Variants in LRP1B observed in about 807,000 individuals in gnomAD.
The protein encoded by LRP1B is low-density lipoprotein receptor-related protein 1B.
A neutral mutation model predicts 556.6 loss-of-function variants in LRP1B; 217 were observed. The ratio of observed to expected loss-of-function variants is 0.39; its 90% CI spans 0.35 to 0.44. The LOEUF (loss-of-function observed/expected upper bound fraction) is 0.44, where lower values mean the gene tolerates loss of function less well. Ranked by LOEUF, LRP1B falls within the 20% of genes least tolerant of loss-of-function variation. The pLI, the probability that LRP1B is intolerant of heterozygous loss-of-function variation, is 1.00. For missense variants in LRP1B, 5,053 were observed against 5,620.8 expected (o/e 0.90, Z 3.23); for synonymous variants, 2,047 against 1,865.8 (o/e 1.10, Z -2.50).
chr2:141,739,090 A>T (rs767603836), intron 2 of LRP1B, among the ~76,000 whole-genome samples: 10 of 152,276 alleles, frequency 6.6e-5, no homozygotes, highest in Admixed American at 2.0e-4. Flanking sequence ...AAAAAGCTAA[A>T]ATATGTTACC....
chr2:141,929,912 CAAAAAAAAAAAAA>C (rs70994467), intron 1 of LRP1B, among the ~76,000 whole-genome samples: 2 of 104,134 alleles, frequency 1.9e-5, no homozygotes, highest in Non-Finnish European at 3.6e-5. Flanking sequence ...CGGATGGAAA[CAAAAAAAAAAAAA>C]AAAAAAAAAA....
At chr2:140,885,280 A>G (rs1016883107) in intron 24 of LRP1B, among the ~76,000 whole-genome samples, 1 of 152,058 alleles carries the variant, frequency 6.6e-6, no homozygotes, top group Non-Finnish European at 1.5e-5. Flanking sequence ...TAACAATTTG[A>G]CAGAGATACC....
chr2:141,865,639 T>G (rs530624891), intron 1 of LRP1B, among the ~76,000 whole-genome samples: 2 of 151,500 alleles, frequency 1.3e-5, no homozygotes, highest in Admixed American at 6.6e-5. Context: ...ACAGAAATTT[T>G]GATCCAAACA....
At chr2:141,914,318 A>C (rs1699977827) in intron 1 of LRP1B, among the ~76,000 whole-genome samples, 1 of 152,358 alleles carries the variant, frequency 6.6e-6, no homozygotes, top group Non-Finnish European at 1.5e-5. Flanking sequence ...CATAAAGAGA[A>C]CTAATTGGAA....
intron 66 of LRP1B, among the ~76,000 whole-genome samples, chr2:140,428,577 C>A (rs1685768083): frequency 6.6e-6 from 1 of 152,148 alleles, no homozygotes; most frequent in Non-Finnish European, 1.5e-5. Context: ...GCTCTGACTC[C>A]TTCCCAGATC....
At chr2:141,610,403 G>A (rs1688068813) in intron 2 of LRP1B, among the ~76,000 whole-genome samples, 1 of 150,746 alleles carries the variant, frequency 6.6e-6, no homozygotes, top group Admixed American at 6.6e-5. Flanking sequence ...TGTAAACAGT[G>A]TTTCCCTCAG....
At chr2:140,532,021 T>A (rs1690717153) in intron 47 of LRP1B, among the ~76,000 whole-genome samples, 1 of 152,106 alleles carries the variant, frequency 6.6e-6, no homozygotes, top group South Asian at 2.1e-4. Context: ...TTTTTCTCCT[T>A]AATGAGCCCC....
At chr2:141,101,065 C>T (rs1467878113) in intron 7 of LRP1B, among the ~76,000 whole-genome samples, 1 of 152,078 alleles carries the variant, frequency 6.6e-6, no homozygotes, top group African/African-American at 2.4e-5. Context: ...TGAGACGAAG[C>T]AATGATGTTA....
intron 6 of LRP1B, among the ~76,000 whole-genome samples, chr2:141,196,398 C>G (rs533676344): frequency 6.6e-6 from 1 of 152,194 alleles, no homozygotes; most frequent in African/African-American, 2.4e-5. Flanking sequence ...ATTCTTTACA[C>G]CCCTCCATAC....
intron 20 of LRP1B, 138 bp downstream of exon 20, chr2:140,950,097 T>G: frequency 1.9e-6 from 1 of 540,488 alleles, no homozygotes; most frequent in Non-Finnish European, 3.0e-6. Flanking sequence ...AGATAGCAAA[T>G]GATTTTACAC....
intron 7 of LRP1B, among the ~76,000 whole-genome samples, chr2:141,105,491 CT>C (rs1366613338): frequency 6.6e-6 from 1 of 152,114 alleles, no homozygotes; most frequent in East Asian, 1.9e-4. Context: ...AGCTTTCAGA[CT>C]TGGTCTGCAG....
intron 1 of LRP1B, among the ~76,000 whole-genome samples, chr2:141,943,475 T>C (rs1313454669): frequency 6.6e-6 from 1 of 152,212 alleles, no homozygotes; most frequent in Non-Finnish European, 1.5e-5. Context: ...TCTGAAGTAC[T>C]ATTCTTTACA....
chr2:141,257,551 C>T (rs959326288), intron 3 of LRP1B, among the ~76,000 whole-genome samples: 11 of 151,990 alleles, frequency 7.2e-5, no homozygotes, highest in East Asian at 3.9e-4. Flanking sequence ...ATACAAAATG[C>T]GGGAAAAATT....
intron 7 of LRP1B, among the ~76,000 whole-genome samples, chr2:141,120,621 AG>A (rs1701024796): frequency 1.3e-5 from 2 of 152,042 alleles, no homozygotes; most frequent in East Asian, 3.9e-4. Flanking sequence ...ATTCATTTTC[AG>A]ATTTATAATG....
At chr2:141,129,465 A>C (rs1249259248) in intron 7 of LRP1B, among the ~76,000 whole-genome samples, 1 of 152,032 alleles carries the variant, frequency 6.6e-6, no homozygotes. Flanking sequence ...TATGAAGACT[A>C]TACACAAAAG....
In LRP1B at chr2:141,181,285, CA is replaced by C. The variant is rs199638948; in HGVS notation, c.1013+7135del. Among the ~76,000 whole-genome samples the C allele has an allele frequency of 5.8e-3, 879 of 151,986 alleles. 8 individuals carry two copies. The highest frequency in any genetic ancestry group is 0.035 in the South Asian group (171 of 4,820). Reference sequence around the variant, plus strand: ...ATCCTGGAAAGAATACACTAAAGATCACATTACAGAGCAAAGAAATAGAAAA... The same window carrying C: ...ATCCTGGAAAGAATACACTAAAGATCCATTACAGAGCAAAGAAATAGAAAA... On this transcript the variant is annotated intron_variant, in intron 7 of 90. Coordinates refer to ENST00000389484, the MANE Select transcript of LRP1B (RefSeq NM_018557.3).
intron 2 of LRP1B, among the ~76,000 whole-genome samples, chr2:141,518,438 T>A (rs755369820): frequency 5.9e-5 from 9 of 152,188 alleles, no homozygotes; most frequent in Non-Finnish European, 1.2e-4. Context: ...CTACTTTATT[T>A]CTCACAGCAA....
At chr2:140,957,061 T>G (rs1294332522) in intron 18 of LRP1B, among the ~76,000 whole-genome samples, 1 of 151,686 alleles carries the variant, frequency 6.6e-6, no homozygotes, top group African/African-American at 2.4e-5. Flanking sequence ...TACAATCTAC[T>G]AGGGAAGACA....
chr2:140,666,185 G>A (rs1685263448), intron 41 of LRP1B, among the ~76,000 whole-genome samples: 1 of 151,512 alleles, frequency 6.6e-6, no homozygotes, highest in South Asian at 2.1e-4. Context: ...AGTAGAGGCG[G>A]GGCTTCACCA....
Sources: gnomAD v4.1 joint callset for allele counts (sites outside exome capture counted in the v4.1 genomes callset) on GRCh38, gnomAD v4.1.1 for gene constraint, MANE v1.5 for transcripts, NCBI Gene and HGNC (gene_info 2026-07-23, HGNC 2026-07-21) for gene names.